MEGF10: variants seen among roughly 807,000 people sequenced by gnomAD.
MEGF10 encodes multiple EGF like domains 10, also known as multiple epidermal growth factor-like domains protein 10.
MEGF10 carries 86 observed loss-of-function variants against 147.5 expected under a neutral mutation model. That is an observed-to-expected ratio of 0.58 (90% CI 0.49 to 0.70). The LOEUF is 0.70. MEGF10 is among the 30% of genes least tolerant of loss of function. The pLI is 0.00. For missense variants in MEGF10, 1,329 were observed against 1,487.3 expected, an observed-to-expected ratio of 0.89 and a Z score of 1.75; for synonymous variants, 478 against 525.5, an observed-to-expected ratio of 0.91 and a Z score of 1.24.
At chr5:127,257,632 T>G in the MEGF10 span, among the ~76,000 whole-genome samples, 11 of 152,204 alleles carry the variant, frequency 7.2e-5, no homozygotes, top group Non-Finnish European at 4.4e-5. Context: ...TCAATCAATT[T>G]AGATGTTTAT....
At chr5:127,332,061 G>C (rs1027509924) in intron 2 of MEGF10, among the ~76,000 whole-genome samples, 3 of 151,862 alleles carry the variant, frequency 2.0e-5, no homozygotes, top group African/African-American at 7.3e-5. Flanking sequence ...TACCGTATTG[G>C]AGGAGGGTGT....
chr5:127,366,791 A>G (rs190487746), intron 4 of MEGF10, among the ~76,000 whole-genome samples: 49 of 152,346 alleles, frequency 3.2e-4, no homozygotes, highest in Non-Finnish European at 3.1e-4. Flanking sequence ...ACGCATGAGA[A>G]CATTGTGTGA....
chr5:127,389,525 G>T (rs1763563621), intron 5 of MEGF10, among the ~76,000 whole-genome samples: 1 of 152,108 alleles, frequency 6.6e-6, no homozygotes, highest in Non-Finnish European at 1.5e-5. Flanking sequence ...CAACCTAAAT[G>T]GCCATCAATG....
rs564145122 is a variant in MEGF10, at chr5:127,427,570, T to G, written c.1693+4798T>G. Among the ~76,000 whole-genome samples the G allele has an allele frequency of 7.9e-5, 12 of 151,910 alleles. No individual in the cohort carries two copies. In the South Asian group the frequency reaches 1.7e-3, roughly 21 times the overall value. ...CAAGTTGATGTGAAGAGCCCACTTC[T>G]CCGCTCTTCCCAGCAAGCAGAACTA... On this transcript the variant is annotated intron_variant, in intron 13 of 24. Transcript: ENST00000503335.
chr5:127,379,676 T>G (rs970759099), intron 5 of MEGF10, among the ~76,000 whole-genome samples: 13 of 142,162 alleles, frequency 9.1e-5, no homozygotes, highest in African/African-American at 2.6e-4. Context: ...CTCAGCCCAC[T>G]GCAACCCGTG....
intron 5 of MEGF10, among the ~76,000 whole-genome samples, chr5:127,377,567 G>A (rs566274561): frequency 3.9e-5 from 6 of 152,188 alleles, no homozygotes; most frequent in South Asian, 2.1e-4. Context: ...CAGGTGCAGC[G>A]TAAGGAACAC....
intron 5 of MEGF10, among the ~76,000 whole-genome samples, chr5:127,373,051 C>T (rs1394320585): frequency 6.6e-6 from 1 of 152,152 alleles, no homozygotes. Context: ...TTATTTATAT[C>T]AGTAAGAACT....
At chr5:127,361,466 G>T (rs902093484) in intron 4 of MEGF10, among the ~76,000 whole-genome samples, 7 of 151,888 alleles carry the variant, frequency 4.6e-5, no homozygotes, top group African/African-American at 1.2e-4. Context: ...TCTTCTCAAA[G>T]AACTAGGTTT....
At chr5:127,406,203 T>C (rs753706668) in intron 8 of MEGF10, among the ~76,000 whole-genome samples, 1 of 152,230 alleles carries the variant, frequency 6.6e-6, no homozygotes, top group Non-Finnish European at 1.5e-5. Context: ...CAAATGAGCT[T>C]ATACCTATTT....
Position 127,298,978 on chromosome 5 carries a change from G to A in MEGF10, c.-19+7922G>A, listed in dbSNP as rs76755277. 6.8e-3 allele frequency among the ~76,000 whole-genome samples: 1,033 copies of A among 152,240 alleles called. 11 individuals carry two copies. Among genetic ancestry groups the A allele is most frequent in the African/African-American group, 0.023 (942 of 41,540 alleles). ...CAGCAATGTGTCAGAGGTAGGATCT[G>A]GGAAGGAAAAAAGTAATTCCAAGGA... On this transcript the variant is annotated intron_variant, in intron 1 of 24. Coordinates refer to ENST00000503335, the MANE Select transcript of MEGF10 (RefSeq NM_001256545.2).
intron 4 of MEGF10, among the ~76,000 whole-genome samples, chr5:127,350,468 C>T (rs545565826): frequency 6.6e-6 from 1 of 152,058 alleles, no homozygotes; most frequent in Non-Finnish European, 1.5e-5. Flanking sequence ...CCTTCCTGCC[C>T]TCCATTCCTT....
Position 127,447,235 on chromosome 5 carries a change from G to A in MEGF10, c.2729-322G>A, listed in dbSNP as rs549495583. 1.2e-4 allele frequency among the ~76,000 whole-genome samples: 18 copies of A among 152,280 alleles called. No individual in the cohort carries two copies. In the East Asian group the frequency reaches 3.3e-3, roughly 28 times the overall value. On this transcript the variant is annotated intron_variant, in intron 20 of 24. Coordinates refer to ENST00000503335, the MANE Select transcript of MEGF10 (RefSeq NM_001256545.2). Reference sequence around the variant, plus strand: ...TCTGTCACCAGACTGGAGTGCAGTGGTGCGATCTCGGCTCACTGTAACCTC... The same window carrying A: ...TCTGTCACCAGACTGGAGTGCAGTGATGCGATCTCGGCTCACTGTAACCTC...
At chr5:127,397,468 A>G (rs1763962567) in intron 6 of MEGF10, among the ~76,000 whole-genome samples, 1 of 152,202 alleles carries the variant, frequency 6.6e-6, no homozygotes. Context: ...TCACCAACAG[A>G]ATTAAGAGGC....
At chr5:127,419,049 TTTTG>T in intron 10 of MEGF10, 67 bp from the exon 11 acceptor site, 1 of 1,508,604 alleles carries the variant, frequency 6.6e-7, no homozygotes, top group Non-Finnish European at 8.9e-7. Flanking sequence ...CAAGATATAT[TTTTG>T]TTTATTTGTG....
At chr5:127,274,596 T>C in the MEGF10 span, among the ~76,000 whole-genome samples, 1 of 152,136 alleles carries the variant, frequency 6.6e-6, no homozygotes, top group South Asian at 2.1e-4. Context: ...ATTTTAAAAC[T>C]TCTAAAATCA....
At position 127,438,431 on chromosome 5, in the gene MEGF10, A is replaced by C; in HGVS notation, c.2105-8A>C. 1 of 1,613,684 alleles carries C rather than the reference A, an allele frequency of 6.2e-7. No homozygotes were observed. Among genetic ancestry groups the C allele is most frequent in the Middle Eastern group, 1.7e-4 (1 of 6,060 alleles). On this transcript the variant is annotated splice_region_variant and splice_polypyrimidine_tract_variant and intron_variant, in intron 16 of 24. Coordinates refer to ENST00000503335, the MANE Select transcript of MEGF10 (RefSeq NM_001256545.2). Reference sequence around the variant, plus strand: ...CTCTGATGGACTTCTCCATACCTGTAATTTCAGCATGTCCACCTGCCCACT... The same window carrying C: ...CTCTGATGGACTTCTCCATACCTGTCATTTCAGCATGTCCACCTGCCCACT...
the MEGF10 span, among the ~76,000 whole-genome samples, chr5:127,245,305 C>T: frequency 6.6e-6 from 1 of 152,102 alleles, no homozygotes; most frequent in Non-Finnish European, 1.5e-5. Flanking sequence ...TAATGCCACA[C>T]ATCTACAACC....
intron 10 of MEGF10, among the ~76,000 whole-genome samples, chr5:127,418,830 G>T (rs1483383329): frequency 1.3e-5 from 2 of 149,714 alleles, no homozygotes; most frequent in African/African-American, 2.4e-5. Context: ...AATGAAAAAG[G>T]GTTTTTATTG....
intron 1 of MEGF10, among the ~76,000 whole-genome samples, chr5:127,327,009 G>C (rs1761064005): frequency 6.6e-6 from 1 of 152,130 alleles, no homozygotes; most frequent in Admixed American, 6.5e-5. Flanking sequence ...AGAAACTACT[G>C]CTTATCATCA....
Sources: gnomAD v4.1 joint callset for allele counts (sites outside exome capture counted in the v4.1 genomes callset) on GRCh38, gnomAD v4.1.1 for gene constraint, MANE v1.5 for transcripts, NCBI Gene and HGNC (gene_info 2026-07-23, HGNC 2026-07-21) for gene names.